Variants in TMTC2 observed in about 807,000 individuals in gnomAD.
TMTC2 encodes the protein protein O-mannosyl-transferase TMTC2.
TMTC2 carries 43 observed loss-of-function variants against 82.4 expected under a neutral mutation model. The ratio of observed to expected loss-of-function variants is 0.52; its 90% confidence interval spans 0.41 to 0.67. TMTC2 has a LOEUF of 0.67. Ranked by LOEUF, TMTC2 falls within the 30% of genes least tolerant of loss-of-function variation. The pLI is 0.00. For missense variants in TMTC2, 919 were observed against 1,012.4 expected (o/e 0.91, Z 1.25); for synonymous variants, 408 against 381.9 (o/e 1.07, Z -0.80).
chr12:82,861,230 A>G (rs1404268890), intron 2 of TMTC2, among the ~76,000 whole-genome samples: 1 of 152,216 alleles, frequency 6.6e-6, no homozygotes, highest in African/African-American at 2.4e-5. Flanking sequence ...GCTGGAAATT[A>G]TTAAGGCCAG....
At chr12:82,794,782 T>A (rs1378407773) in intron 1 of TMTC2, among the ~76,000 whole-genome samples, 1 of 152,118 alleles carries the variant, frequency 6.6e-6, no homozygotes, top group Non-Finnish European at 1.5e-5. Context: ...ATCTAACTGA[T>A]GTAAGTCGCA....
chr12:82,998,013 G>A lies in TMTC2; in HGVS notation c.2070+11967G>A, dbSNP rs192864541. The stretch of plus-strand genomic sequence containing the variant: ...AATTTTATAAGATACCAAACTGAAA[G>A]GGAGCAGTCATGCAGAATACAAAAG... On this transcript the variant is annotated intron_variant, in intron 8 of 11. Transcript: ENST00000321196. 8.8e-3 allele frequency among the ~76,000 whole-genome samples: 1,337 copies of A among 152,206 alleles called. 9 individuals carry two copies. The highest frequency in any genetic ancestry group is 0.033 in the South Asian group (161 of 4,826).
chr12:82,714,466 C>T (rs953983546), intron 1 of TMTC2, among the ~76,000 whole-genome samples: 2 of 151,800 alleles, frequency 1.3e-5, no homozygotes, highest in African/African-American at 4.8e-5. Context: ...TGTGTCTGTC[C>T]TTTTTTTTAT....
intron 2 of TMTC2, among the ~76,000 whole-genome samples, chr12:82,871,534 A>G (rs2137137178): frequency 6.6e-6 from 1 of 152,286 alleles, no homozygotes; most frequent in South Asian, 2.1e-4. Flanking sequence ...ACATGTATAC[A>G]ATAACTGTAT....
chr12:83,102,729 C>T (rs936299694), intron 11 of TMTC2, among the ~76,000 whole-genome samples: 1 of 152,170 alleles, frequency 6.6e-6, no homozygotes, highest in African/African-American at 2.4e-5. Flanking sequence ...GTATGTGTCA[C>T]TTCCTCTCTT....
At chr12:82,790,216 A>G (rs1305261077) in intron 1 of TMTC2, among the ~76,000 whole-genome samples, 1 of 150,286 alleles carries the variant, frequency 6.7e-6, no homozygotes, top group Non-Finnish European at 1.5e-5. Context: ...GTCCATGGCC[A>G]TGTTGTCATG....
chr12:82,980,440 G>A (rs1197146168), intron 7 of TMTC2, among the ~76,000 whole-genome samples: 1 of 151,736 alleles, frequency 6.6e-6, no homozygotes, highest in Non-Finnish European at 1.5e-5. Context: ...CAAACTCCAT[G>A]GAGAGACTAG....
At chr12:82,958,365 AAAAAAC>A (rs200604792) in intron 4 of TMTC2, among the ~76,000 whole-genome samples, 61,590 of 101,510 alleles carry the variant, frequency 0.61, 16,330 homozygotes, top group South Asian at 0.74. Context: ...AAAAAAAAAA[AAAAAAC>A]AAAAAAAACA....
intron 2 of TMTC2, among the ~76,000 whole-genome samples, chr12:82,864,222 C>T (rs932139199): frequency 3.3e-5 from 5 of 152,038 alleles, no homozygotes; most frequent in African/African-American, 7.2e-5. Flanking sequence ...ATAGTGATAT[C>T]GGGGCCTTCT....
intron 2 of TMTC2, among the ~76,000 whole-genome samples, chr12:82,883,499 G>T (rs1289152699): frequency 6.6e-6 from 1 of 152,098 alleles, no homozygotes; most frequent in African/African-American, 2.4e-5. Context: ...AGAGAAGGCG[G>T]CTGTATCTTA....
intron 4 of TMTC2, among the ~76,000 whole-genome samples, chr12:82,962,936 C>G (rs891337110): frequency 2.6e-5 from 4 of 151,942 alleles, no homozygotes. Flanking sequence ...AGAGACTGGT[C>G]TCCCAGGAGC....
Position 82,896,057 on chromosome 12 carries a change from T to C in TMTC2, c.894T>C (p.Ala298=), listed in dbSNP as rs1873658914. The C allele has an allele frequency of 1.2e-6, 2 of 1,614,064 alleles. No homozygotes were observed. The highest frequency in any genetic ancestry group is 1.7e-6 in the Non-Finnish European group (2 of 1,180,008). The change falls in exon 3 of 12, where the codon GCT becomes GCC. Residue 298 remains alanine, a synonymous_variant. Coordinates refer to ENST00000321196, the MANE Select transcript of TMTC2 (RefSeq NM_152588.3). Reference sequence around the variant, plus strand: ...TCAGTTTTGATTGGTCAATGGATGCTGTGCCTCTGCTCAAAACAGTTTGTG... The same window carrying C: ...TCAGTTTTGATTGGTCAATGGATGCCGTGCCTCTGCTCAAAACAGTTTGTG... ...DTLSFDWSMD[A]VPLLKTVCDW...
chr12:82,993,743 T>A (rs1005702929), intron 8 of TMTC2, among the ~76,000 whole-genome samples: 6 of 152,196 alleles, frequency 3.9e-5, no homozygotes, highest in African/African-American at 1.2e-4. Flanking sequence ...ACTTACATTT[T>A]GTCATAGTCA....
chr12:83,051,341 A>G (rs1882338115), intron 10 of TMTC2, among the ~76,000 whole-genome samples: 1 of 151,244 alleles, frequency 6.6e-6, no homozygotes, highest in Non-Finnish European at 1.5e-5. Flanking sequence ...GTGTTACTGT[A>G]TTTTATGTGT....
intron 1 of TMTC2, among the ~76,000 whole-genome samples, chr12:82,806,312 A>C (rs992659263): frequency 2.6e-5 from 4 of 152,182 alleles, no homozygotes; most frequent in Non-Finnish European, 5.9e-5. Flanking sequence ...ACTTGAAATT[A>C]CTTAAGTAGT....
chr12:83,106,421 C>T (rs567647883), intron 11 of TMTC2, among the ~76,000 whole-genome samples: 6 of 151,240 alleles, frequency 4.0e-5, no homozygotes. Context: ...ATCACCTGAA[C>T]CCAGGAGGCG....
At chr12:82,692,391 A>G (rs17009856) in intron 1 of TMTC2, among the ~76,000 whole-genome samples, 21,423 of 152,216 alleles carry the variant, frequency 0.14, 1,790 homozygotes, top group East Asian at 0.36. Context: ...TGCATTAGGA[A>G]CATAGTTTGT....
intron 11 of TMTC2, among the ~76,000 whole-genome samples, chr12:83,113,623 G>T (rs1427085430): frequency 6.6e-6 from 1 of 152,196 alleles, no homozygotes; most frequent in Non-Finnish European, 1.5e-5. Flanking sequence ...AAGTGTCATG[G>T]CTTAGAGTAC....
chr12:82,857,953 T>A (rs1192613370), intron 2 of TMTC2, among the ~76,000 whole-genome samples: 1 of 152,216 alleles, frequency 6.6e-6, no homozygotes, highest in Non-Finnish European at 1.5e-5. Flanking sequence ...ATAATAGAGC[T>A]AGATGCTAGA....
Sources: allele counts gnomAD v4.1 joint callset (sites outside exome capture counted in the v4.1 genomes callset), GRCh38; gene constraint gnomAD v4.1.1; transcripts MANE v1.5; gene names NCBI Gene and HGNC (gene_info 2026-07-23, HGNC 2026-07-21).